The following CLIC5 variants were observed in gnomAD, a reference collection of about 807,000 sequenced individuals.
CLIC5 encodes CLIC family member 5, also known as chloride intracellular channel protein 5.
A neutral mutation model predicts 24.7 loss-of-function variants in CLIC5; 20 were observed. That is an observed-to-expected ratio of 0.81 (90% CI 0.57 to 1.18). CLIC5 has a LOEUF of 1.18. CLIC5 is among the 50% of genes most tolerant of loss of function. CLIC5 has a pLI of 0.00. For missense variants in CLIC5, 341 were observed against 326.1 expected (o/e 1.05, Z -0.35); for synonymous variants, 159 against 135.6 (o/e 1.17, Z -1.20).
the CLIC5 span, among the ~76,000 whole-genome samples, chr6:46,119,812 A>ACGCC: frequency 2.0e-5 from 3 of 152,198 alleles, no homozygotes; most frequent in Admixed American, 1.3e-4. Context: ...GGAGGGTCCC[A>ACGCC]CGCCCACAGA....
At chr6:46,126,859 C>T in the CLIC5 span, among the ~76,000 whole-genome samples, 1 of 152,124 alleles carries the variant, frequency 6.6e-6, no homozygotes, top group Non-Finnish European at 1.5e-5. Flanking sequence ...CTGACCTTCT[C>T]CTGGCCAGCA....
At chr6:46,020,932 CAAGAA>C (rs1425487223) in intron 1 of CLIC5, among the ~76,000 whole-genome samples, 1 of 151,582 alleles carries the variant, frequency 6.6e-6, no homozygotes, top group African/African-American at 2.4e-5. Flanking sequence ...GAAAGCCCTC[CAAGAA>C]AAGAAAACTA....
intron 4 of CLIC5, among the ~76,000 whole-genome samples, chr6:45,926,696 G>A (rs1218953773): frequency 1.3e-5 from 2 of 152,016 alleles, no homozygotes; most frequent in Admixed American, 1.3e-4. Flanking sequence ...TTTGACTCTT[G>A]GTGAAGTATC....
chr6:45,973,089 C>G (rs1478730572), intron 1 of CLIC5, among the ~76,000 whole-genome samples: 1 of 152,190 alleles, frequency 6.6e-6, no homozygotes, highest in Admixed American at 6.6e-5. Flanking sequence ...TATTGAAATT[C>G]CATGACTTGG....
intron 1 of CLIC5, among the ~76,000 whole-genome samples, chr6:46,072,001 G>A (rs994076932): frequency 2.6e-5 from 4 of 151,982 alleles, no homozygotes; most frequent in Non-Finnish European, 4.4e-5. Context: ...ACCAAACACC[G>A]CATGCTCTCA....
chr6:46,067,434 C>A (rs1280364357), intron 1 of CLIC5, among the ~76,000 whole-genome samples: 2 of 152,170 alleles, frequency 1.3e-5, no homozygotes, highest in Non-Finnish European at 2.9e-5. Flanking sequence ...GACACTGAAC[C>A]TTTTCTCCTG....
At chr6:46,068,557 G>A (rs2127473520) in intron 1 of CLIC5, among the ~76,000 whole-genome samples, 1 of 152,218 alleles carries the variant, frequency 6.6e-6, no homozygotes, top group African/African-American at 2.4e-5. Flanking sequence ...AGTAATCATA[G>A]CATTTAATGT....
At chr6:46,006,628 C>T (rs1450521424) in intron 1 of CLIC5, among the ~76,000 whole-genome samples, 1 of 151,818 alleles carries the variant, frequency 6.6e-6, no homozygotes, top group East Asian at 1.9e-4. Context: ...ATCACCTTGG[C>T]TAACTCCTCA....
At chr6:45,930,334 G>C (rs1005924025) in intron 4 of CLIC5, among the ~76,000 whole-genome samples, 1 of 152,182 alleles carries the variant, frequency 6.6e-6, no homozygotes, top group East Asian at 1.9e-4. Flanking sequence ...AAGGAGAAGA[G>C]GAAAGGGAGA....
the CLIC5 span, among the ~76,000 whole-genome samples, chr6:46,110,544 C>G: frequency 1.3e-5 from 2 of 152,188 alleles, no homozygotes; most frequent in Non-Finnish European, 2.9e-5. Flanking sequence ...GGCATATTTT[C>G]AGGTATGACC....
chr6:45,920,055 G>A (rs1763194178), intron 4 of CLIC5: 1 of 534,944 alleles, frequency 1.9e-6, no homozygotes. Context: ...GGCCTGACAG[G>A]TGCTGCAAAA....
intron 5 of CLIC5, among the ~76,000 whole-genome samples, chr6:45,908,846 ATCTG>A (rs1762733305): frequency 6.6e-6 from 1 of 152,164 alleles, no homozygotes; most frequent in African/African-American, 2.4e-5. Flanking sequence ...TGCCTCGAAG[ATCTG>A]TCTAACGTTG....
chr6:45,887,898 G>C (rs1307608816), intron 6 of CLIC5, among the ~76,000 whole-genome samples: 4 of 151,840 alleles, frequency 2.6e-5, no homozygotes, highest in Non-Finnish European at 5.9e-5. Flanking sequence ...AAGAGAGAGA[G>C]AAAAAAAGGA....
intron 4 of CLIC5, among the ~76,000 whole-genome samples, chr6:45,917,533 A>G (rs924406779): frequency 1.3e-5 from 2 of 152,226 alleles, no homozygotes; most frequent in Non-Finnish European, 2.9e-5. Flanking sequence ...TTACTTATTT[A>G]GTATACAGCC....
At chr6:45,911,821 A>G (rs963204310) in intron 5 of CLIC5, 31 of 985,324 alleles carry the variant, frequency 3.1e-5, no homozygotes, top group South Asian at 2.3e-4. Context: ...GCCTCTCCCA[A>G]CGAAGACCTG....
In CLIC5 at chr6:45,958,445, T is replaced by TACACACAC. The variant is rs1414421064; in HGVS notation, c.64-3202_64-3201insGTGTGTGT. ...AATTATATATATATATATATATATATATATATATATATATATATATATATA... is the reference window on the plus strand; with the variant it reads ...AATTATATATATATATATATATATATACACACACATATATATATATATATATATATATA... On this transcript the variant is annotated intron_variant, in intron 1 of 5. Coordinates refer to ENST00000339561, the MANE Select transcript of CLIC5 (RefSeq NM_016929.5). Among the ~76,000 whole-genome samples the TACACACAC allele has an allele frequency of 4.4e-3, 337 of 76,448 alleles. 30 individuals carry two copies. The highest frequency in any genetic ancestry group is 0.015 in the African/African-American group (319 of 21,350). The allele number at this position is 76,448 out of a possible 152,430, so 50.2% of individuals were successfully genotyped here.
intron 4 of CLIC5, among the ~76,000 whole-genome samples, chr6:45,937,922 G>C (rs2127361343): frequency 6.6e-6 from 1 of 152,296 alleles, no homozygotes; most frequent in East Asian, 1.9e-4. Context: ...CCATGTAACA[G>C]TGTTGGCTTT....
intron 1 of CLIC5, among the ~76,000 whole-genome samples, chr6:46,043,112 G>A (rs12201489): frequency 0.23 from 35,704 of 151,948 alleles, 4,717 homozygotes; most frequent in Admixed American, 0.34. Context: ...ATGACTTTGC[G>A]TCATTAGCAC....
At chr6:46,076,740 T>A (rs1762781477) in intron 1 of CLIC5, among the ~76,000 whole-genome samples, 1 of 152,192 alleles carries the variant, frequency 6.6e-6, no homozygotes, top group Non-Finnish European at 1.5e-5. Context: ...AATAAGAAAT[T>A]AATACACCCA....
Sources: allele counts gnomAD v4.1 joint callset (sites outside exome capture counted in the v4.1 genomes callset), GRCh38; gene constraint gnomAD v4.1.1; transcripts MANE v1.5; gene names NCBI Gene and HGNC (gene_info 2026-07-23, HGNC 2026-07-21).